Variants in ANK2 observed in about 807,000 individuals in gnomAD.
ANK2 encodes the protein ankyrin 2.
A neutral mutation model predicts 360.5 loss-of-function variants in ANK2; 83 were observed. The ratio of observed to expected loss-of-function variants is 0.23; its 90% confidence interval spans 0.19 to 0.28. The LOEUF (loss-of-function observed/expected upper bound fraction) is 0.28. ANK2 is among the 10% of genes least tolerant of loss of function. ANK2 has a pLI of 1.00. For missense variants in ANK2, 4,201 were observed against 4,795.7 expected (o/e 0.88, Z 3.66); for synonymous variants, 1,740 against 1,759.5 (o/e 0.99, Z 0.28).
At position 113,334,421 on chromosome 4, in the gene ANK2, A is replaced by G. The variant is rs867573749; in HGVS notation, c.3379+1213A>G. ...TTTCCTCTGAGATATTTACCTATCA[A>G]TGACACTGCCAGTGAGCATTGGTAT... On this transcript the variant is annotated intron_variant, in intron 29 of 45. Transcript: ENST00000357077. 7.5e-4 allele frequency among the ~76,000 whole-genome samples: 114 copies of G among 152,250 alleles called. 1 individual carries two copies. Among genetic ancestry groups the G allele is most frequent in the African/African-American group, 1.7e-3 (72 of 41,552 alleles).
At chr4:112,809,896 A>C in the ANK2 span, among the ~76,000 whole-genome samples, 3 of 150,726 alleles carry the variant, frequency 2.0e-5, no homozygotes, top group East Asian at 3.9e-4. Flanking sequence ...AAATCCCTGC[A>C]TTTGGGGAGA....
chr4:112,727,692 T>C, the ANK2 span, among the ~76,000 whole-genome samples: 1,755 of 152,220 alleles, frequency 0.012, 26 homozygotes, highest in African/African-American at 0.039. Context: ...AAGGATCGGC[T>C]GGGCGCCTGT....
the ANK2 span, among the ~76,000 whole-genome samples, chr4:112,795,451 A>T: frequency 6.6e-6 from 1 of 152,264 alleles, no homozygotes; most frequent in South Asian, 2.1e-4. Flanking sequence ...ACAGACCCTA[A>T]AGTTAGATAA....
At chr4:113,264,722 CAAA>C (rs11452087) in intron 13 of ANK2, among the ~76,000 whole-genome samples, 172 bp from the exon 14 acceptor site, 1 of 141,804 alleles carries the variant, frequency 7.1e-6, no homozygotes, top group Non-Finnish European at 1.5e-5. Flanking sequence ...AACTTTGTCT[CAAA>C]AAAAAAAAAA....
upstream of ANK2, among the ~76,000 whole-genome samples, chr4:112,815,626 G>A (rs1473773894): frequency 1.3e-5 from 2 of 152,142 alleles, no homozygotes. Flanking sequence ...TGTGATTAGA[G>A]GATTTAAACT....
chr4:112,986,200 T>A (rs139763220), intron 2 of ANK2, among the ~76,000 whole-genome samples: 162 of 151,848 alleles, frequency 1.1e-3, no homozygotes, highest in African/African-American at 3.6e-3. Context: ...ATAATTGAGC[T>A]GTGTGATAAA....
upstream of ANK2, among the ~76,000 whole-genome samples, chr4:113,046,816 A>C (rs2064599179): frequency 6.6e-6 from 1 of 152,222 alleles, no homozygotes. Flanking sequence ...ATTTACAACC[A>C]TGCACTGTAT....
At chr4:113,094,568 A>T (rs548107765) in intron 1 of ANK2, among the ~76,000 whole-genome samples, 1 of 152,166 alleles carries the variant, frequency 6.6e-6, no homozygotes, top group South Asian at 2.1e-4. Flanking sequence ...GTGTGTATAA[A>T]CATTGAAGCT....
the ANK2 span, among the ~76,000 whole-genome samples, chr4:112,777,614 T>C: frequency 7.0e-6 from 1 of 142,012 alleles, no homozygotes; most frequent in Non-Finnish European, 1.5e-5. Flanking sequence ...AATACATCTA[T>C]AATCTTTTTT....
At chr4:112,958,372 A>G (rs913058405) in intron 2 of ANK2, among the ~76,000 whole-genome samples, 4 of 152,202 alleles carry the variant, frequency 2.6e-5, no homozygotes, top group African/African-American at 7.2e-5. Flanking sequence ...CTGGCGGATC[A>G]CTCGCGGTTA....
chr4:113,106,931 T>C (rs754317993), intron 1 of ANK2: 1 of 533,248 alleles, frequency 1.9e-6, no homozygotes, highest in South Asian at 1.4e-5. Context: ...TTTGCTTTGG[T>C]AATAAATCTA....
intron 1 of ANK2, chr4:112,826,678 C>A: frequency 1.1e-6 from 1 of 923,970 alleles, no homozygotes; most frequent in Middle Eastern, 2.3e-4. Flanking sequence ...TCAGCATTGA[C>A]CATTCAGAAA....
chr4:113,044,480 T>G (rs2063775386), intron 2 of ANK2, among the ~76,000 whole-genome samples: 1 of 152,186 alleles, frequency 6.6e-6, no homozygotes, highest in South Asian at 2.1e-4. Flanking sequence ...AAAATATAAC[T>G]GTACTAGTTT....
chr4:113,341,896 G>A lies in ANK2; in HGVS notation c.4102G>A (p.Ala1368Thr), dbSNP rs1563907281. The change falls in exon 33 of 46, where the codon GCC becomes ACC. Residue 1368 changes from alanine (A) to threonine (T), a missense_variant. Around this residue, in one of 4 missense-constraint regions of ANK2, gnomAD observed 1,268 missense variants for 1,650.8 expected, o/e 0.77. Coordinates refer to ENST00000357077, the MANE Select transcript of ANK2 (RefSeq NM_001148.6). The part of the protein sequence containing the change: ...LEQQENFAEV[A>T]RSRDVEVLEG... ...ACAACAAGAAAATTTTGCTGAGGTG[G>A]CCAGAAGCAGGGATGTGGAGGTACT... 2 of 1,613,086 alleles carry A rather than the reference G, an allele frequency of 1.2e-6. No homozygotes were observed. Among genetic ancestry groups the A allele is most frequent in the Middle Eastern group, 1.6e-4 (1 of 6,062 alleles).
intron 2 of ANK2, among the ~76,000 whole-genome samples, chr4:113,029,301 T>C (rs1311338958): frequency 2.6e-5 from 4 of 152,076 alleles, no homozygotes; most frequent in African/African-American, 9.7e-5. Context: ...GTGGCATGAT[T>C]ACAACTCACT....
At chr4:113,062,282 A>G (rs1464371503) in intron 1 of ANK2, among the ~76,000 whole-genome samples, 2 of 152,138 alleles carry the variant, frequency 1.3e-5, no homozygotes. Context: ...TGTGGAGACC[A>G]TCATGATATG....
the ANK2 span, among the ~76,000 whole-genome samples, chr4:112,785,761 T>C: frequency 6.6e-6 from 1 of 152,072 alleles, no homozygotes; most frequent in Non-Finnish European, 1.5e-5. Flanking sequence ...CTTGAACTTC[T>C]GAGCTCCAGC....
chr4:113,179,507 A>G (rs2098338147), intron 2 of ANK2, among the ~76,000 whole-genome samples: 1 of 152,202 alleles, frequency 6.6e-6, no homozygotes, highest in Admixed American at 6.5e-5. Flanking sequence ...AAATTCATAA[A>G]TTTGGCACAT....
chr4:113,221,573 C>T (rs1366702055), intron 4 of ANK2, among the ~76,000 whole-genome samples: 1 of 151,622 alleles, frequency 6.6e-6, no homozygotes, highest in East Asian at 1.9e-4. Flanking sequence ...GCAGGAGAAT[C>T]GCTTGAACCC....
Sources: allele counts gnomAD v4.1 joint callset (sites outside exome capture counted in the v4.1 genomes callset), GRCh38; gene constraint gnomAD v4.1.1; regional missense constraint gnomAD v4.1.1; transcripts MANE v1.5; gene names NCBI Gene and HGNC (gene_info 2026-07-23, HGNC 2026-07-21).